The following SMIM13 variants were observed in gnomAD, a reference collection of about 807,000 sequenced individuals.
SMIM13 encodes UPF0766 protein C6orf228.
SMIM13 carries 3 observed loss-of-function variants against 5.9 expected under a neutral mutation model. The observed-to-expected ratio is 0.51, with a 90% confidence interval of 0.23 to 1.31. The LOEUF (loss-of-function observed/expected upper bound fraction) is 1.31, where lower values mean the gene tolerates loss of function less well. Among genes scored for constraint, SMIM13 ranks in the 40% most tolerant of loss-of-function variants. The probability of loss-of-function intolerance (pLI) is 0.18; values close to 1 mark genes in which losing one functional copy is unlikely to be tolerated. For synonymous variants in SMIM13, 55 were observed against 46.0 expected (o/e 1.19, Z -0.79); for missense variants, 85 against 109.9 (o/e 0.77, Z 1.01).
intron 1 of SMIM13, among the ~76,000 whole-genome samples, chr6:11,096,365 G>C (rs1410564336): frequency 6.6e-6 from 1 of 152,220 alleles, no homozygotes; most frequent in East Asian, 1.9e-4. Flanking sequence ...AGCTCAGATG[G>C]TAATACTTGC....
chr6:11,109,121 T>C (rs910035160), intron 1 of SMIM13, among the ~76,000 whole-genome samples: 8 of 152,228 alleles, frequency 5.3e-5, no homozygotes, highest in African/African-American at 1.9e-4. Flanking sequence ...GCATTGTGTT[T>C]GCAAATTGTT....
At chr6:11,121,568 C>T (rs1488844207) in intron 1 of SMIM13, among the ~76,000 whole-genome samples, 5 of 152,102 alleles carry the variant, frequency 3.3e-5, no homozygotes, top group Non-Finnish European at 7.4e-5. Context: ...GGTGCCTCTC[C>T]CCCTCCCAAC....
At chr6:11,117,339 ATTTTTTTT>A (rs34219527) in intron 1 of SMIM13, among the ~76,000 whole-genome samples, 1 of 133,048 alleles carries the variant, frequency 7.5e-6, no homozygotes, top group Non-Finnish European at 1.6e-5. Flanking sequence ...AATTTTTTGT[ATTTTTTTT>A]TTTTTTTTTT....
intron 1 of SMIM13, among the ~76,000 whole-genome samples, chr6:11,128,398 A>G (rs1394941491): frequency 1.3e-5 from 2 of 152,134 alleles, no homozygotes; most frequent in African/African-American, 2.4e-5. Flanking sequence ...CCCAAGTTGC[A>G]AGACAAAGTC....
At chr6:11,124,835 T>G (rs1280539444) in intron 1 of SMIM13, among the ~76,000 whole-genome samples, 1 of 152,238 alleles carries the variant, frequency 6.6e-6, no homozygotes, top group Non-Finnish European at 1.5e-5. Flanking sequence ...TTCTTTCAGG[T>G]TGAAGAACTC....
chr6:11,098,671 G>A (rs1757955167), intron 1 of SMIM13, among the ~76,000 whole-genome samples: 1 of 152,190 alleles, frequency 6.6e-6, no homozygotes, highest in Non-Finnish European at 1.5e-5. Context: ...GACCTCAGGT[G>A]ATCCACTTGC....
intron 1 of SMIM13, chr6:11,111,866 T>A (rs1758172953): frequency 6.6e-6 from 1 of 152,192 alleles, no homozygotes; most frequent in Non-Finnish European, 1.5e-5. Context: ...ACATGTGCAT[T>A]TGTTTACTGA....
chr6:11,105,530 C>T (rs76843344), intron 1 of SMIM13: 95,953 of 505,708 alleles, frequency 0.19, 10,886 homozygotes, highest in East Asian at 0.33. Context: ...AAGTGTATTC[C>T]GGAGCTGAGG....
rs541243645 is a variant in SMIM13 at position 11,129,865 on chromosome 6, A to T, written c.77-4538A>T. The stretch of plus-strand genomic sequence containing the variant: ...ACCTTTCTTAGTTTATTCTTTGCTC[A>T]GTCATACTTTTCCTGGTATGTATTC... On this transcript the variant is annotated intron_variant, in intron 1 of 1. Transcript: ENST00000416247. Among the ~76,000 whole-genome samples the T allele has an allele frequency of 2.1e-3, 313 of 152,274 alleles. 2 individuals are homozygous for T. Among genetic ancestry groups the T allele is most frequent in the African/African-American group, 7.3e-3 (303 of 41,560 alleles).
intron 1 of SMIM13, among the ~76,000 whole-genome samples, chr6:11,121,713 G>A (rs1374348695): frequency 1.3e-5 from 2 of 152,154 alleles, no homozygotes; most frequent in African/African-American, 2.4e-5. Context: ...AAAAGAGAAC[G>A]AGTTCTGAAT....
chr6:11,094,221 G>C lies in SMIM13; in HGVS notation c.-93G>C, dbSNP rs1757890907. 2 of 578,458 alleles carry C rather than the reference G, an allele frequency of 3.5e-6. No individual in the cohort carries two copies. The highest frequency in any genetic ancestry group is 1.5e-4 in the South Asian group (2 of 13,682). 35.8% of individuals were successfully genotyped at this position (578,458 alleles called of 1,614,324 possible). ...GCCGCCCCGGCGCCCAGCCGCGCCT[G>C]GCGCCCGCCGCTGAAGCGCAGGACG... On this transcript the variant is annotated 5_prime_UTR_variant, in exon 1 of 2. Coordinates refer to ENST00000416247, the MANE Select transcript of SMIM13 (RefSeq NM_001135575.2).
chr6:11,123,497 G>A (rs770614100), intron 1 of SMIM13, among the ~76,000 whole-genome samples: 6 of 152,152 alleles, frequency 3.9e-5, no homozygotes, highest in Non-Finnish European at 7.3e-5. Flanking sequence ...GTCATAAGAT[G>A]ATTACCAATA....
chr6:11,136,274 G>A lies in SMIM13; in HGVS notation c.*1672G>A, dbSNP rs547754560. On this transcript the variant is annotated 3_prime_UTR_variant, in exon 2 of 2. Coordinates refer to ENST00000416247, the MANE Select transcript of SMIM13 (RefSeq NM_001135575.2). ...AAAATGACTCTCTTGCCAGGTTTCC[G>A]TGTTTGTCTCAACTGAACTCTGGGC... 1.3e-5 allele frequency: 2 copies of A among 152,308 alleles called. No individual in the cohort carries two copies. The highest frequency in any genetic ancestry group is 6.5e-5 in the Admixed American group (1 of 15,296). 9.4% of individuals were successfully genotyped at this position (152,308 alleles called of 1,614,324 possible). A position where few individuals can be genotyped will look rare whatever the true frequency, so the allele number is the denominator to read the frequency against.
rs756242354 is a variant in SMIM13, at chr6:11,104,610, C to T, written c.76+10221C>T. On this transcript the variant is annotated intron_variant, in intron 1 of 1. Coordinates refer to ENST00000416247, the MANE Select transcript of SMIM13 (RefSeq NM_001135575.2). The stretch of plus-strand genomic sequence containing the variant: ...TTTATTTTCCCAAAAAAGAGAATTT[C>T]GAGTTTGGTCCAATAGAACCCATTC... The T allele has an allele frequency of 1.7e-5, 27 of 1,613,970 alleles. No homozygotes were observed. The highest frequency in any genetic ancestry group is 2.7e-5 in the African/African-American group (2 of 74,882).
intron 1 of SMIM13, among the ~76,000 whole-genome samples, chr6:11,128,930 T>C: frequency 6.6e-6 from 1 of 152,124 alleles, no homozygotes; most frequent in East Asian, 1.9e-4. Flanking sequence ...GCGTAGGCAT[T>C]TCAAGACTAT....
chr6:11,121,074 C>T (rs1758301803), intron 1 of SMIM13, among the ~76,000 whole-genome samples: 1 of 152,220 alleles, frequency 6.6e-6, no homozygotes, highest in African/African-American at 2.4e-5. Flanking sequence ...AGTGAGTGCT[C>T]TTTTGCCTAT....
At chr6:11,105,896 A>G (rs1758076504) in intron 1 of SMIM13, among the ~76,000 whole-genome samples, 1 of 152,218 alleles carries the variant, frequency 6.6e-6, no homozygotes. Flanking sequence ...GGCCTACCAT[A>G]TAAAGCCTTG....
chr6:11,112,396 G>A (rs182579580), intron 1 of SMIM13, among the ~76,000 whole-genome samples: 6 of 152,202 alleles, frequency 3.9e-5, no homozygotes, highest in South Asian at 2.1e-4. Context: ...GAATTAACAG[G>A]TGTGCACCAC....
chr6:11,133,875 T>C (rs533994228), intron 1 of SMIM13, among the ~76,000 whole-genome samples: 14 of 152,254 alleles, frequency 9.2e-5, no homozygotes, highest in African/African-American at 3.1e-4. Flanking sequence ...TTTCATCATA[T>C]AATTTAAGAA....
Sources: allele counts gnomAD v4.1 joint callset (sites outside exome capture counted in the v4.1 genomes callset), GRCh38; gene constraint gnomAD v4.1.1; transcripts MANE v1.5; gene names NCBI Gene and HGNC (gene_info 2026-07-23, HGNC 2026-07-21).